Variants in ASTN2 observed in about 807,000 individuals in gnomAD.
ASTN2 encodes astrotactin-2.
A neutral mutation model predicts 139.8 loss-of-function variants in ASTN2; 54 were observed. The ratio of observed to expected loss-of-function variants is 0.39; its 90% CI spans 0.31 to 0.48. ASTN2 has a LOEUF of 0.48. Among genes scored for constraint, ASTN2 ranks in the 20% least tolerant of loss-of-function variants. ASTN2 has a pLI of 0.95. For missense variants in ASTN2, 1,565 were observed against 1,725.1 expected (o/e 0.91, Z 1.64); for synonymous variants, 756 against 719.5 (o/e 1.05, Z -0.81).
At chr9:116,848,948 T>C (rs1832515942) in intron 11 of ASTN2, among the ~76,000 whole-genome samples, 1 of 152,248 alleles carries the variant, frequency 6.6e-6, no homozygotes, top group African/African-American at 2.4e-5. Flanking sequence ...CCTGTGCTTC[T>C]GATGACCAGC....
intron 11 of ASTN2, among the ~76,000 whole-genome samples, chr9:116,861,973 C>CTTCT (rs1410227743): frequency 1.2e-4 from 16 of 133,654 alleles, no homozygotes; most frequent in Non-Finnish European, 2.4e-4. Context: ...TTTCCTTCTT[C>CTTCT]TTTTTTTTTT....
At chr9:116,965,394 A>T in intron 10 of ASTN2, among the ~76,000 whole-genome samples, 1 of 152,172 alleles carries the variant, frequency 6.6e-6, no homozygotes, top group East Asian at 1.9e-4. Context: ...TTGGACTCCT[A>T]ACATGTGACA....
chr9:117,195,352 C>A (rs1398884617), intron 3 of ASTN2, among the ~76,000 whole-genome samples: 1 of 152,118 alleles, frequency 6.6e-6, no homozygotes, highest in African/African-American at 2.4e-5. Context: ...AGAAGGTTAG[C>A]AAGTCTGAAG....
intron 2 of ASTN2, chr9:117,277,159 G>A (rs991784523): frequency 1.3e-5 from 2 of 152,160 alleles, no homozygotes; most frequent in African/African-American, 4.8e-5. Context: ...GAGGAGGACT[G>A]TTTTTTGGTC....
intron 10 of ASTN2, among the ~76,000 whole-genome samples, chr9:116,872,803 G>A (rs2132355295): frequency 6.6e-6 from 1 of 152,274 alleles, no homozygotes; most frequent in Middle Eastern, 3.4e-3. Context: ...CCTAGAGGTA[G>A]GAGATAGAAT....
chr9:117,233,353 C>A (rs1053551534), intron 2 of ASTN2, among the ~76,000 whole-genome samples: 3 of 152,180 alleles, frequency 2.0e-5, no homozygotes, highest in Admixed American at 2.0e-4. Flanking sequence ...TTGGGCAAGT[C>A]GCTCAATACC....
intron 13 of ASTN2, among the ~76,000 whole-genome samples, chr9:116,772,045 A>AAT: frequency 6.6e-6 from 1 of 152,368 alleles, no homozygotes; most frequent in Middle Eastern, 3.4e-3. Flanking sequence ...ATATTTACAA[A>AAT]ATATATTAAA....
intron 5 of ASTN2, among the ~76,000 whole-genome samples, chr9:117,057,373 G>A (rs1228339737): frequency 6.6e-6 from 1 of 152,210 alleles, no homozygotes; most frequent in Non-Finnish European, 1.5e-5. Context: ...AGAGATGACA[G>A]AGACAGGGTA....
At chr9:116,854,639 G>A (rs1832690133) in intron 11 of ASTN2, among the ~76,000 whole-genome samples, 1 of 149,954 alleles carries the variant, frequency 6.7e-6, no homozygotes, top group African/African-American at 2.5e-5. Context: ...CCAATTTGGG[G>A]CTTCCTTCTC....
Position 117,253,842 on chromosome 9 carries a change from C to T in ASTN2, c.630+37484G>A, listed in dbSNP as rs147729051. Reference sequence around the variant, plus strand: ...AGGTCAGCCTCAGGACTACTGGCCTCGGAAATGCAGTAGCCTGAGCAGCTC... The same window carrying T: ...AGGTCAGCCTCAGGACTACTGGCCTTGGAAATGCAGTAGCCTGAGCAGCTC... On this transcript the variant is annotated intron_variant, in intron 2 of 22. Coordinates refer to ENST00000313400, the MANE Select transcript of ASTN2 (RefSeq NM_001365068.1). 8.6e-3 allele frequency among the ~76,000 whole-genome samples: 1,305 copies of T among 152,250 alleles called. 26 individuals carry two copies. The highest frequency in any genetic ancestry group is 0.03 in the African/African-American group (1,257 of 41,552).
chr9:116,768,323 C>G (rs868692843), intron 13 of ASTN2, among the ~76,000 whole-genome samples: 2 of 152,012 alleles, frequency 1.3e-5, no homozygotes, highest in South Asian at 4.2e-4. Context: ...CTCCATCTTT[C>G]TCTTACTCTT....
intron 10 of ASTN2, among the ~76,000 whole-genome samples, chr9:116,970,302 TG>T (rs1564365125): frequency 6.6e-6 from 1 of 152,318 alleles, no homozygotes; most frequent in African/African-American, 2.4e-5. Context: ...ACACTAGATA[TG>T]AGAATTTACA....
At chr9:116,757,244 T>C (rs1829556667) in intron 13 of ASTN2, among the ~76,000 whole-genome samples, 1 of 152,214 alleles carries the variant, frequency 6.6e-6, no homozygotes, top group South Asian at 2.1e-4. Flanking sequence ...AAACCAGCAC[T>C]TACCCGGAGT....
chr9:116,583,890 G>A (rs1393143832), intron 19 of ASTN2: 4 of 152,178 alleles, frequency 2.6e-5, no homozygotes, highest in African/African-American at 9.7e-5. Flanking sequence ...ATCTTCATGG[G>A]AGAAACTCTT....
At chr9:116,733,749 G>C (rs759681410) in intron 13 of ASTN2, among the ~76,000 whole-genome samples, 5 of 152,188 alleles carry the variant, frequency 3.3e-5, no homozygotes, top group African/African-American at 7.2e-5. Flanking sequence ...TTACTTGGCT[G>C]TATGATCTCA....
intron 2 of ASTN2, among the ~76,000 whole-genome samples, chr9:117,236,993 C>T (rs1490960299): frequency 2.0e-5 from 3 of 152,102 alleles, no homozygotes; most frequent in East Asian, 1.9e-4. Flanking sequence ...AGTCCAGGTC[C>T]AATTGCCAGT....
At chr9:116,669,414 T>C (rs1859059324) in intron 16 of ASTN2, among the ~76,000 whole-genome samples, 1 of 152,126 alleles carries the variant, frequency 6.6e-6, no homozygotes, top group Non-Finnish European at 1.5e-5. Context: ...AAACAGTACA[T>C]TTAGGTTTGT....
rs562651128 is a variant in ASTN2 at position 116,829,882 on chromosome 9, C to G, written c.2041-9099G>C. Among the ~76,000 whole-genome samples, 4 of 152,258 alleles carry G rather than the reference C, an allele frequency of 2.6e-5. No homozygotes were observed. In the South Asian group the frequency reaches 8.3e-4, roughly 32 times the overall value. ...TTTCTCGCCACATATTTTTTAAAAA[C>G]CTCAAAATGGATTAAGACCTGAAAC... On this transcript the variant is annotated intron_variant, in intron 11 of 22. Coordinates refer to ENST00000313400, the MANE Select transcript of ASTN2 (RefSeq NM_001365068.1).
At chr9:116,945,934 G>C (rs920226387) in intron 10 of ASTN2, among the ~76,000 whole-genome samples, 1 of 152,160 alleles carries the variant, frequency 6.6e-6, no homozygotes, top group Non-Finnish European at 1.5e-5. Flanking sequence ...AGCATAACTG[G>C]GAGGCCTTAG....
Sources: gnomAD v4.1 joint callset for allele counts (sites outside exome capture counted in the v4.1 genomes callset) on GRCh38, gnomAD v4.1.1 for gene constraint, MANE v1.5 for transcripts, NCBI Gene and HGNC (gene_info 2026-07-23, HGNC 2026-07-21) for gene names.